FGF13: variants seen among roughly 807,000 people sequenced by gnomAD.
FGF13 encodes the protein fibroblast growth factor homologous factor 2.
FGF13 carries 2 observed loss-of-function variants against 19.5 expected under a neutral mutation model. That is an observed-to-expected ratio of 0.10 (90% confidence interval 0.04 to 0.32). The LOEUF (loss-of-function observed/expected upper bound fraction) is 0.32, where lower values mean the gene tolerates loss of function less well. Among genes scored for constraint, FGF13 ranks in the 10% least tolerant of loss-of-function variants. The pLI is 1.00. For synonymous variants in FGF13, 72 were observed against 76.9 expected (o/e 0.94, Z 0.33); for missense variants, 113 against 192.7 (o/e 0.59, Z 2.45).
At chrX:138,774,803 A>G (rs2090576198) in intron 3 of FGF13, among the ~76,000 whole-genome samples, 1 of 112,045 alleles carries the variant, frequency 8.9e-6, no homozygotes, top group Non-Finnish European at 1.9e-5. Flanking sequence ...ACTGATTTAA[A>G]ATATTAGGCC....
At chrX:139,035,906 CCAGT>C (rs1303650314) in intron 1 of FGF13, among the ~76,000 whole-genome samples, 5 of 111,910 alleles carry the variant, frequency 4.5e-5, no homozygotes, top group East Asian at 2.8e-4. Context: ...TTCTCAGCAG[CCAGT>C]CAAAGTAACA....
intron 1 of FGF13, among the ~76,000 whole-genome samples, chrX:138,931,801 T>C (rs1028915837): frequency 1.8e-5 from 2 of 112,266 alleles, no homozygotes; most frequent in Non-Finnish European, 3.8e-5. Context: ...ATGTGTCTAC[T>C]AAGAAGAGTG....
chrX:138,896,969 G>A (rs1475282610), intron 1 of FGF13, among the ~76,000 whole-genome samples: 1 of 111,795 alleles, frequency 8.9e-6, no homozygotes, highest in Non-Finnish European at 1.9e-5. Context: ...GTGGGAACAC[G>A]GGACGTGTAG....
chrX:138,726,073 C>A (rs1395055783), intron 1 of FGF13, among the ~76,000 whole-genome samples: 4 of 111,385 alleles, frequency 3.6e-5, no homozygotes, highest in Admixed American at 9.5e-5. Context: ...GCATCTACTT[C>A]CACACCGATA....
intron 3 of FGF13, among the ~76,000 whole-genome samples, chrX:138,662,910 G>C (rs1274964562): frequency 9.0e-6 from 1 of 111,307 alleles, no homozygotes; most frequent in East Asian, 2.9e-4. Flanking sequence ...GTTCTAGAAG[G>C]CTCTGAGCTT....
chrX:139,147,133 T>C (rs2083897178), intron 1 of FGF13, among the ~76,000 whole-genome samples: 1 of 104,855 alleles, frequency 9.5e-6, no homozygotes, highest in African/African-American at 3.5e-5. Flanking sequence ...TAAAATATAA[T>C]AAAAATAAAG....
intron 3 of FGF13, among the ~76,000 whole-genome samples, chrX:138,832,247 CA>C (rs1280513794): frequency 1.8e-5 from 2 of 111,966 alleles, no homozygotes; most frequent in African/African-American, 6.5e-5. Context: ...TTGTCTTCCA[CA>C]GTGGCTAAAC....
chrX:138,858,927 G>C (rs780319568), intron 2 of FGF13, among the ~76,000 whole-genome samples: 1 of 111,721 alleles, frequency 9.0e-6, no homozygotes, highest in African/African-American at 3.3e-5. Context: ...TTTTAAATTA[G>C]TATTATGAGT....
At chrX:138,754,810 G>A (rs189345639) in intron 3 of FGF13, among the ~76,000 whole-genome samples, 4 of 111,372 alleles carry the variant, frequency 3.6e-5, no homozygotes, top group Admixed American at 9.6e-5. Flanking sequence ...AGCAAAAACC[G>A]TAGGCACTGA....
At chrX:138,726,565 A>ACAC (rs1367658610) in intron 1 of FGF13, among the ~76,000 whole-genome samples, 26 of 111,905 alleles carry the variant, frequency 2.3e-4, no homozygotes, top group African/African-American at 8.1e-4. Flanking sequence ...TGATGTACAT[A>ACAC]CACTATTAAA....
At chrX:139,164,106 T>TTTTA (rs1286502834) in intron 1 of FGF13, among the ~76,000 whole-genome samples, 518 of 107,011 alleles carry the variant, frequency 4.8e-3, no homozygotes, top group Non-Finnish European at 7.9e-3. Flanking sequence ...TTTTTTTTTT[T>TTTTA]TTATTATTAT....
At chrX:138,709,426 G>A (rs1231514262) in intron 1 of FGF13, among the ~76,000 whole-genome samples, 1 of 111,818 alleles carries the variant, frequency 8.9e-6, no homozygotes, top group Non-Finnish European at 1.9e-5. Context: ...CATAAATAAC[G>A]TGGAACCCCA....
At chrX:138,921,971 C>CAAA (rs35464038) in intron 1 of FGF13, among the ~76,000 whole-genome samples, 29,354 of 67,090 alleles carry the variant, frequency 0.44, 6,531 homozygotes, top group South Asian at 0.56. Context: ...TTATGGAACT[C>CAAA]AAAAAAAAAA....
chrX:139,058,157 T>TG (rs1201333184), intron 1 of FGF13, among the ~76,000 whole-genome samples: 17 of 111,958 alleles, frequency 1.5e-4, no homozygotes, highest in East Asian at 8.4e-4. Flanking sequence ...ATGCTATGTT[T>TG]GAACACAAAA....
intron 1 of FGF13, among the ~76,000 whole-genome samples, chrX:139,020,697 G>A (rs1259682394): frequency 1.8e-5 from 2 of 111,236 alleles, no homozygotes; most frequent in African/African-American, 6.5e-5. Context: ...AAACTGTGGT[G>A]CAAATAATGT....
At chrX:138,732,422 T>C (rs1197101417) in intron 1 of FGF13, among the ~76,000 whole-genome samples, 1 of 112,033 alleles carries the variant, frequency 8.9e-6, no homozygotes, top group Non-Finnish European at 1.9e-5. Context: ...AGTGACTTAC[T>C]GATATACACA....
intron 3 of FGF13, among the ~76,000 whole-genome samples, chrX:138,649,422 A>G (rs979880641): frequency 8.9e-6 from 1 of 111,953 alleles, no homozygotes; most frequent in Non-Finnish European, 1.9e-5. Context: ...ACTTCCAACT[A>G]AAATAAACAC....
intron 1 of FGF13, among the ~76,000 whole-genome samples, chrX:138,992,107 CATGT>C (rs1296494802): frequency 4.6e-5 from 5 of 109,720 alleles, no homozygotes; most frequent in South Asian, 3.9e-4. Context: ...CATATATATA[CATGT>C]GTGTGTGTGT....
At chrX:139,038,124 C>CA in intron 1 of FGF13, among the ~76,000 whole-genome samples, 1 of 110,917 alleles carries the variant, frequency 9.0e-6, no homozygotes, top group Admixed American at 9.6e-5. Context: ...GTTCCTCTAC[C>CA]AAAAACCTTA....
Sources: allele counts gnomAD v4.1 joint callset (sites outside exome capture counted in the v4.1 genomes callset), GRCh38; gene constraint gnomAD v4.1.1; transcripts MANE v1.5; gene names NCBI Gene and HGNC (gene_info 2026-07-23, HGNC 2026-07-21).